Variants in PAK2 observed in about 807,000 individuals in gnomAD.
PAK2 encodes p21 (RAC1) activated kinase 2.
Under a neutral mutation model 65.9 loss-of-function variants are expected in PAK2, and 21 were observed. That is an observed-to-expected ratio of 0.32 (90% CI 0.23 to 0.46). The LOEUF (loss-of-function observed/expected upper bound fraction) is 0.46, where lower values mean the gene tolerates loss of function less well. Ranked by LOEUF, PAK2 falls within the 20% of genes least tolerant of loss-of-function variation. PAK2 has a pLI of 1.00. For missense variants in PAK2, 324 were observed against 642.6 expected (o/e 0.50, Z 5.36); for synonymous variants, 204 against 219.7 (o/e 0.93, Z 0.63).
intron 1 of PAK2, among the ~76,000 whole-genome samples, chr3:196,751,696 A>ATATATATATAATTACC (rs1713603033): frequency 1.4e-5 from 1 of 72,664 alleles, no homozygotes; most frequent in Admixed American, 1.6e-4. Context: ...TATATATATA[A>ATATATATATAATTACC]TTCAGGCTAT....
At chr3:196,753,540 T>C (rs1307080434) in intron 1 of PAK2, among the ~76,000 whole-genome samples, 1 of 152,256 alleles carries the variant, frequency 6.6e-6, no homozygotes, top group Non-Finnish European at 1.5e-5. Context: ...TTAACACAAG[T>C]TATTGAAACC....
At position 196,740,015 on chromosome 3, in the gene PAK2, C is replaced by G. The variant is rs892508495; in HGVS notation, c.-164C>G. On this transcript the variant is annotated 5_prime_UTR_variant, in exon 1 of 15. Transcript: ENST00000327134. ...GGGCCTAGCGGTAGCAGCGGCTGCTCCAGCGCGGCGTCTCTTCCCGCCCCG... is the reference window on the plus strand; with the variant it reads ...GGGCCTAGCGGTAGCAGCGGCTGCTGCAGCGCGGCGTCTCTTCCCGCCCCG... 1.3e-5 allele frequency: 2 copies of G among 151,944 alleles called. No individual in the cohort carries two copies. The highest frequency in any genetic ancestry group is 4.8e-5 in the African/African-American group (2 of 41,394). 9.4% of individuals were successfully genotyped at this position (151,944 alleles called of 1,614,324 possible). A position where few individuals can be genotyped will look rare whatever the true frequency, so the allele number is the denominator to read the frequency against.
At chr3:196,802,804 C>T (rs1326768279) in intron 3 of PAK2, among the ~76,000 whole-genome samples, 2 of 152,114 alleles carry the variant, frequency 1.3e-5, no homozygotes, top group East Asian at 1.9e-4. Context: ...AGATCTCGCA[C>T]GACTGCACTC....
At chr3:196,753,204 G>T (rs1028841883) in intron 1 of PAK2, among the ~76,000 whole-genome samples, 1 of 151,938 alleles carries the variant, frequency 6.6e-6, no homozygotes, top group South Asian at 2.1e-4. Flanking sequence ...TGATCCGCCC[G>T]CCTCAGCCTC....
intron 5 of PAK2, among the ~76,000 whole-genome samples, chr3:196,806,296 A>G (rs1460942786): frequency 1.3e-5 from 2 of 152,112 alleles, no homozygotes; most frequent in African/African-American, 2.4e-5. Flanking sequence ...AACAAGTAAC[A>G]TTGTTTACTT....
At chr3:196,751,988 C>T (rs1283873137) in intron 1 of PAK2, among the ~76,000 whole-genome samples, 3 of 151,916 alleles carry the variant, frequency 2.0e-5, no homozygotes, top group African/African-American at 7.3e-5. Context: ...GGTGTTCTGC[C>T]TGCCTCGGCC....
intron 13 of PAK2, among the ~76,000 whole-genome samples, chr3:196,822,041 C>T (rs1711672995): frequency 6.6e-6 from 1 of 152,204 alleles, no homozygotes. Context: ...GCAGCAGATT[C>T]TGACCGTCTG....
chr3:196,790,392 A>G (rs1715028909), intron 2 of PAK2, among the ~76,000 whole-genome samples: 1 of 152,060 alleles, frequency 6.6e-6, no homozygotes, highest in Non-Finnish European at 1.5e-5. Context: ...TGATTCTAAG[A>G]ATCTTTTTTT....
In PAK2 at chr3:196,751,034, C is replaced by G. The variant is rs189036884; in HGVS notation, c.-22+10877C>G. On this transcript the variant is annotated intron_variant, in intron 1 of 14. Coordinates refer to ENST00000327134, the MANE Select transcript of PAK2 (RefSeq NM_002577.4). ...CTCGGTACTCATTAAACATTAACTC[C>G]TCATTCCCTACCTCCAGCCCCCAGT... Among the ~76,000 whole-genome samples, 42 of 152,248 alleles carry G rather than the reference C, an allele frequency of 2.8e-4. No homozygotes were observed. The East Asian group carries it at 7.7e-3, about 28-fold the overall frequency.
chr3:196,827,310 G>C lies in PAK2; in HGVS notation c.1465G>C (p.Gly489Arg), dbSNP rs1414474638. ...TTTGGAAATGGATGTGGAAAAAAGG[G>C]GTTCAGCCAAAGAATTATTACAGGT... ...RCLEMDVEKR[G>R]SAKELLQHPF... The change falls in exon 14 of 15, where the codon GGT becomes CGT. Residue 489 changes from glycine (G) to arginine (R), a missense_variant. This residue lies in a region of PAK2 where 43 missense variants were observed against 67.6 expected (regional missense o/e 0.64). Transcript: ENST00000327134. 3.7e-6 allele frequency: 6 copies of C among 1,608,930 alleles called. No homozygotes were observed. The African/African-American group carries it at 8.0e-5, about 22-fold the overall frequency.
In PAK2 at chr3:196,759,530, T is replaced by G. The variant is rs1186077994; in HGVS notation, c.-22+19373T>G. Among the ~76,000 whole-genome samples the G allele has an allele frequency of 1.1e-3, 151 of 133,652 alleles. 2 individuals carry two copies. Among genetic ancestry groups the G allele is most frequent in the African/African-American group, 1.3e-3 (40 of 31,936 alleles). 87.7% of individuals were successfully genotyped at this position (133,652 alleles called of 152,430 possible). On this transcript the variant is annotated intron_variant, in intron 1 of 14. Transcript: ENST00000327134. ...TTTTTTTTTTTTTTTTTTTTTTTTT[T>G]TTTTTTTGAGATAGAGTCTTGCTCT...
intron 2 of PAK2, among the ~76,000 whole-genome samples, chr3:196,785,821 T>A (rs577991202): frequency 4.1e-4 from 62 of 152,268 alleles, no homozygotes; most frequent in African/African-American, 1.5e-3. Context: ...AGAGAGCTTG[T>A]GCAGGGAAAC....
rs185840503 is a variant in PAK2, at chr3:196,814,857, T to C, written c.1053+289T>C. ...ATTTACCATCCAAACAGGACACTTT[T>C]GAGAGTAAAAGGGTATATATCATTA... On this transcript the variant is annotated intron_variant, in intron 11 of 14. Coordinates refer to ENST00000327134, the MANE Select transcript of PAK2 (RefSeq NM_002577.4). Among the ~76,000 whole-genome samples, 137 of 152,248 alleles carry C rather than the reference T, an allele frequency of 9.0e-4. 1 individual carries two copies. Among genetic ancestry groups the C allele is most frequent in the Admixed American group, 6.5e-3 (100 of 15,270 alleles).
At chr3:196,771,647 C>T (rs550345060) in intron 1 of PAK2, among the ~76,000 whole-genome samples, 9 of 152,262 alleles carry the variant, frequency 5.9e-5, no homozygotes, top group African/African-American at 1.9e-4. Flanking sequence ...GTACCTCTGC[C>T]TCCCAGGTTC....
In PAK2 at chr3:196,782,792, C is replaced by T; in HGVS notation, c.146C>T (p.Pro49Leu). The T allele has an allele frequency of 6.2e-7, 1 of 1,613,156 alleles. No homozygotes were observed. Among genetic ancestry groups the T allele is most frequent in the Non-Finnish European group, 8.5e-7 (1 of 1,179,584 alleles). The change falls in exon 2 of 15, where the codon CCC becomes CTC. Residue 49 changes from proline to leucine, a missense_variant. By Grantham distance (98) the Pro-to-Leu change is moderately conservative. This residue lies in a region of PAK2 where 42 missense variants were observed against 67.4 expected (regional missense o/e 0.62). Coordinates refer to ENST00000327134, the MANE Select transcript of PAK2 (RefSeq NM_002577.4). Reference protein sequence around the residue: ...PLPSVPEEKKPRHKIISIFSG... With the variant: ...PLPSVPEEKKLRHKIISIFSG... ...CCCTCTGTTCCAGAAGAGAAAAAGC[C>T]CAGGCATAAAATCATCTCCATATTC...
At chr3:196,806,717 G>A (rs752540925) in intron 6 of PAK2, 31 bp downstream of exon 6, 2 of 1,201,572 alleles carry the variant, frequency 1.7e-6, no homozygotes, top group Non-Finnish European at 2.5e-6. Context: ...TAGGCTGTGT[G>A]TGTGCACGTG....
chr3:196,748,334 T>C (rs1175725425), intron 1 of PAK2, among the ~76,000 whole-genome samples: 2 of 152,154 alleles, frequency 1.3e-5, no homozygotes, highest in Non-Finnish European at 2.9e-5. Context: ...CATTCACACA[T>C]CATCACTGCC....
At chr3:196,764,380 C>A (rs1560095138) in intron 1 of PAK2, among the ~76,000 whole-genome samples, 1 of 152,006 alleles carries the variant, frequency 6.6e-6, no homozygotes. Context: ...CTTTGGGAGA[C>A]CAAGACGGGC....
At chr3:196,777,043 A>G (rs1714558596) in intron 1 of PAK2, among the ~76,000 whole-genome samples, 1 of 152,256 alleles carries the variant, frequency 6.6e-6, no homozygotes, top group Non-Finnish European at 1.5e-5. Flanking sequence ...GTCTTCTACC[A>G]CACCAGACAT....
Sources: allele counts gnomAD v4.1 joint callset (sites outside exome capture counted in the v4.1 genomes callset), GRCh38; gene constraint gnomAD v4.1.1; regional missense constraint gnomAD v4.1.1; transcripts MANE v1.5; gene names NCBI Gene and HGNC (gene_info 2026-07-23, HGNC 2026-07-21).